PDE2A: variants seen among roughly 807,000 people sequenced by gnomAD.
PDE2A encodes the protein phosphodiesterase 2A, also known as cGMP-dependent 3',5'-cyclic phosphodiesterase.
In PDE2A, 53 loss-of-function variants were observed where a neutral mutation model predicts 133.6. That is an observed-to-expected ratio of 0.40 (90% CI 0.32 to 0.50). PDE2A has a LOEUF of 0.50. Among genes scored for constraint, PDE2A ranks in the 20% least tolerant of loss-of-function variants. The pLI is 0.73. For synonymous variants in PDE2A, 491 were observed against 490.2 expected (o/e 1.00, Z -0.02); for missense variants, 796 against 1,232.4 (o/e 0.65, Z 5.30).
intron 1 of PDE2A, among the ~76,000 whole-genome samples, chr11:72,670,162 G>A (rs1190819297): frequency 6.7e-6 from 1 of 150,356 alleles, no homozygotes; most frequent in Non-Finnish European, 1.5e-5. Flanking sequence ...TCCTAGTGCT[G>A]TCCCTCAACT....
chr11:72,581,892 C>A lies in PDE2A; in HGVS notation c.1907G>T (p.Cys636Phe). 6.2e-7 allele frequency: 1 copy of A among 1,613,958 alleles called. No individual in the cohort carries two copies. The highest frequency in any genetic ancestry group is 8.5e-7 in the Non-Finnish European group (1 of 1,179,928). The change falls in exon 22 of 31, where the codon TGC becomes TTC. Residue 636 changes from cysteine to phenylalanine, a missense_variant. Cys to Phe is a radical substitution (Grantham distance 205). This residue lies in a region of PDE2A where 218 missense variants were observed against 465.9 expected (regional missense o/e 0.47). Transcript: ENST00000334456. ...GCGCACGAACCGGGCCAGGGTCGGG[C>A]AGTCAATTTTGTAGTTGTTGATGAA... ...MNFINNYKIDCPTLARFCLMV... is the reference protein window; with the variant it reads ...MNFINNYKIDFPTLARFCLMV...
At position 72,584,274 on chromosome 11, in the gene PDE2A, C is replaced by A. The variant is rs1855856457; in HGVS notation, c.1577G>T (p.Gly526Val). Reference protein sequence around the residue: ...GVAELVNKINGPWFSKFDEDL... With the variant: ...GVAELVNKINVPWFSKFDEDL... The stretch of plus-strand genomic sequence containing the variant: ...CTCGTCGAACTTGCTGAACCATGGC[C>A]CATTGATCTTGTTCACCAGCTCGGC... Residue 526 changes from glycine to valine, a missense_variant, in exon 19 of 31, where the codon GGG becomes GTG. By Grantham distance (109) the Gly-to-Val change is moderately radical (BLOSUM62 -3). This residue lies in a region of PDE2A where 218 missense variants were observed against 465.9 expected (regional missense o/e 0.47). Coordinates refer to ENST00000334456, the MANE Select transcript of PDE2A (RefSeq NM_002599.5). The A allele has an allele frequency of 1.9e-6, 3 of 1,613,454 alleles. No homozygotes were observed. The highest frequency in any genetic ancestry group is 2.5e-6 in the Non-Finnish European group (3 of 1,179,418).
At chr11:72,627,704 A>G (rs2135409624) in intron 2 of PDE2A, among the ~76,000 whole-genome samples, 1 of 152,250 alleles carries the variant, frequency 6.6e-6, no homozygotes, top group South Asian at 2.1e-4. Flanking sequence ...TGGGCAGTGC[A>G]TTTCAGTACT....
At chr11:72,585,070 C>T (rs1160654104) in intron 16 of PDE2A, 126 bp from the exon 17 acceptor site, 1 of 902,078 alleles carries the variant, frequency 1.1e-6, no homozygotes, top group Non-Finnish European at 1.8e-6. Flanking sequence ...AGACACTCTG[C>T]TCAGGGCTGG....
rs924451829 is a variant in PDE2A at position 72,674,011 on chromosome 11, G to T, written c.71+126C>A. The T allele has an allele frequency of 6.9e-5, 65 of 937,868 alleles. 1 individual carries two copies. The Admixed American group carries it at 1.3e-3, about 19-fold the overall frequency. The allele number at this position is 937,868 out of a possible 1,614,324, so 58.1% of individuals were successfully genotyped here. ...CAACGCGGGGAGGAGGGGTGCCCAGGAACAGGATCGATCCTTCCACGTGGC... is the reference window on the plus strand; with the variant it reads ...CAACGCGGGGAGGAGGGGTGCCCAGTAACAGGATCGATCCTTCCACGTGGC... On this transcript the variant is annotated intron_variant, in intron 1 of 30. Transcript: ENST00000334456.
At chr11:72,666,284 G>C (rs1303066846) in intron 1 of PDE2A, among the ~76,000 whole-genome samples, 1 of 152,134 alleles carries the variant, frequency 6.6e-6, no homozygotes, top group Non-Finnish European at 1.5e-5. Flanking sequence ...GGTCCTGCTG[G>C]GTGACCTTGG....
chr11:72,635,063 G>T (rs1379373258), intron 2 of PDE2A, among the ~76,000 whole-genome samples: 1 of 152,216 alleles, frequency 6.6e-6, no homozygotes, highest in African/African-American at 2.4e-5. Flanking sequence ...TTCGAGGGCT[G>T]GGAGGAAAGG....
chr11:72,583,476 T>C lies in PDE2A; in HGVS notation c.1690A>G (p.Ser564Gly). Residue 564 changes from serine (S) to glycine (G), a missense_variant, in exon 20 of 31, where the codon AGC becomes GGC. Ser to Gly is a moderately conservative substitution (Grantham distance 56). This residue lies in a region of PDE2A where 218 missense variants were observed against 465.9 expected (regional missense o/e 0.47). Transcript: ENST00000334456. ...YKKVNEAQYRSHLANEMMMYH... is the reference protein window; with the variant it reads ...YKKVNEAQYRGHLANEMMMYH... ...ATCATCATCTCATTGGCCAGGTGGC[T>C]GCGATACTGAGCCTCATTCACTTTT... 6.2e-7 allele frequency: 1 copy of C among 1,613,024 alleles called. No homozygotes were observed. Among genetic ancestry groups the C allele is most frequent in the Non-Finnish European group, 8.5e-7 (1 of 1,179,040 alleles).
intron 7 of PDE2A, 198 bp downstream of exon 7, chr11:72,591,099 G>A (rs1480556023): frequency 5.9e-5 from 36 of 609,210 alleles, no homozygotes; most frequent in South Asian, 1.4e-4. Context: ...TAGGTCAGTC[G>A]GTGCTATCAT....
intron 11 of PDE2A, 50 bp from the exon 12 acceptor site, chr11:72,589,290 G>C (rs200614575): frequency 7.1e-7 from 1 of 1,416,746 alleles, no homozygotes; most frequent in East Asian, 2.3e-5. Flanking sequence ...CCCAGGTCAG[G>C]GGATCTCAAC....
chr11:72,649,226 T>G (rs1854652356), intron 1 of PDE2A: 1 of 152,300 alleles, frequency 6.6e-6, no homozygotes, highest in Admixed American at 6.5e-5. Context: ...CAGCTCTGTT[T>G]TGCTCACTGC....
intron 18 of PDE2A, 79 bp from the exon 19 acceptor site, chr11:72,584,392 C>G: frequency 8.0e-7 from 1 of 1,254,640 alleles, no homozygotes. Context: ...GGGACCTGCC[C>G]TCGCAGTTTC....
chr11:72,633,227 G>C (rs1858508494), intron 2 of PDE2A, among the ~76,000 whole-genome samples: 1 of 152,158 alleles, frequency 6.6e-6, no homozygotes, highest in Non-Finnish European at 1.5e-5. Flanking sequence ...CAGCCAGGGA[G>C]GTCAGGGGAG....
In PDE2A at chr11:72,578,346, G is replaced by C. The variant is rs747323932; in HGVS notation, c.2509-7C>G. 1 of 1,605,514 alleles carries C rather than the reference G, an allele frequency of 6.2e-7. No homozygotes were observed. Among genetic ancestry groups the C allele is most frequent in the South Asian group, 1.1e-5 (1 of 90,886 alleles). ...TGTTGCCCATGGCCTTCTCCTGCAG[G>C]CATCGAGTCGTCAGGCCTGTCCCTC... On this transcript the variant is annotated splice_region_variant and splice_polypyrimidine_tract_variant and intron_variant, in intron 29 of 30. Transcript: ENST00000334456. The surrounding 1 kb of genome is among the most constrained non-coding windows in gnomAD (Gnocchi z 4.2).
At position 72,590,565 on chromosome 11, in the gene PDE2A, G is replaced by T. The variant is rs1423350664; in HGVS notation, c.565C>A (p.Arg189=). Residue 189 remains arginine (R), a synonymous_variant, in exon 8 of 31, where the codon CGG becomes AGG. Coordinates refer to ENST00000334456, the MANE Select transcript of PDE2A (RefSeq NM_002599.5). This position sits in a 1 kb window ranked among gnomAD's most constrained non-coding sequence, Gnocchi z 4.8. ...CGCTGCTGCAGGACCTGCACCCTCCGCAGGGCGACCAGGGTCTGGGGCAGG... is the reference window on the plus strand; with the variant it reads ...CGCTGCTGCAGGACCTGCACCCTCCTCAGGGCGACCAGGGTCTGGGGCAGG... The part of the protein sequence containing the change: ...AVEKHTLVAL[R]RVQVLQQRGP... 5.0e-6 allele frequency: 7 copies of T among 1,387,020 alleles called. No homozygotes were observed. The highest frequency in any genetic ancestry group is 6.5e-6 in the Non-Finnish European group (7 of 1,075,880). 85.9% of individuals were successfully genotyped at this position (1,387,020 alleles called of 1,614,324 possible).
intron 1 of PDE2A, among the ~76,000 whole-genome samples, chr11:72,657,187 C>T (rs1032335482): frequency 6.6e-6 from 1 of 152,154 alleles, no homozygotes; most frequent in African/African-American, 2.4e-5. Flanking sequence ...ACACACCTTC[C>T]CTGAGGCCTA....
At chr11:72,582,645 TGGGGGATCCGTC>T in intron 20 of PDE2A, 79 bp from the exon 21 acceptor site, 6 of 1,428,282 alleles carry the variant, frequency 4.2e-6, no homozygotes, top group Non-Finnish European at 5.7e-6. Flanking sequence ...CCATGGCAGG[TGGGGGATCCGTC>T]ACCCAGAATG....
chr11:72,586,252 G>C, intron 13 of PDE2A, 71 bp from the exon 14 acceptor site: 2 of 932,900 alleles, frequency 2.1e-6, no homozygotes, highest in South Asian at 2.8e-5. Flanking sequence ...CCTTACTTCT[G>C]TTCCATCAGA....
At position 72,578,506 on chromosome 11, in the gene PDE2A, G is replaced by A. The variant is rs1364792539; in HGVS notation, c.2478C>T (p.Ile826=). The change falls in exon 29 of 31, where the codon ATC becomes ATT. Residue 826 remains isoleucine, a synonymous_variant. Transcript: ENST00000334456. The surrounding 1 kb of genome is among the most constrained non-coding windows in gnomAD (Gnocchi z 4.2). ...CTCCCTGGGAGAAGAATTCTTTGTA[G>A]ATCAGCTCCTGAAAGGCCAACACTC... The part of the protein sequence containing the change: ...WKTTRKIAEL[I]YKEFFSQGDL... The A allele has an allele frequency of 3.7e-6, 6 of 1,612,810 alleles. No homozygotes were observed. The highest frequency in any genetic ancestry group is 1.3e-5 in the African/African-American group (1 of 74,904).
Sources: gnomAD v4.1 joint callset for allele counts (sites outside exome capture counted in the v4.1 genomes callset) on GRCh38, gnomAD v4.1.1 for gene constraint, gnomAD v4.1.1 regional missense constraint, Gnocchi (gnomAD v3.1) non-coding constraint, MANE v1.5 for transcripts, NCBI Gene and HGNC (gene_info 2026-07-23, HGNC 2026-07-21) for gene names.